IST1: variants seen among roughly 807,000 people sequenced by gnomAD.
IST1 encodes the protein IST1 factor associated with ESCRT-III.
IST1 carries 23 observed loss-of-function variants against 37.0 expected under a neutral mutation model. The observed-to-expected ratio is 0.62, with a 90% CI of 0.45 to 0.88. The LOEUF is 0.88. IST1 is among the 40% of genes least tolerant of loss of function. The pLI is 0.00. For synonymous variants in IST1, 180 were observed against 161.7 expected (o/e 1.11, Z -0.86); for missense variants, 488 against 445.4 (o/e 1.10, Z -0.86).
chr16:71,930,535 A>T lies in IST1; in HGVS notation c.*2722A>T, dbSNP rs371051765. On this transcript the variant is annotated 3_prime_UTR_variant, in exon 10 of 10. Coordinates refer to ENST00000378799, the MANE Select transcript of IST1 (RefSeq NM_001270975.2). ...GGGTAAGCAAACACTGAAAGATTAA[A>T]TGCATACCAGAAATGAGAATGCACA... The T allele has an allele frequency of 3.0e-4, 50 of 169,126 alleles. No homozygotes were observed. In the South Asian group the frequency reaches 9.3e-3, roughly 31 times the overall value. 10.5% of individuals were successfully genotyped at this position (169,126 alleles called of 1,614,324 possible). A position where few individuals can be genotyped will look rare whatever the true frequency, so the allele number is the denominator to read the frequency against.
At chr16:71,923,626 C>T in intron 8 of IST1, 2 of 351,930 alleles carry the variant, frequency 5.7e-6, no homozygotes, top group Middle Eastern at 7.3e-4. Context: ...CTGCAGATTT[C>T]TTAGAAAGTT....
At chr16:71,913,953 C>T (rs1485046469) in intron 1 of IST1, among the ~76,000 whole-genome samples, 3 of 151,630 alleles carry the variant, frequency 2.0e-5, no homozygotes, top group Non-Finnish European at 4.4e-5. Flanking sequence ...GGATTACAGG[C>T]ATGCGCCACC....
At chr16:71,921,159 T>C (rs2037571177) in intron 5 of IST1, 184 bp from the exon 6 acceptor site, 1 of 603,746 alleles carries the variant, frequency 1.7e-6, no homozygotes, top group African/African-American at 1.9e-5. Flanking sequence ...GTAATGAGAA[T>C]GTGAAAGAGA....
rs949823901 is a variant in IST1 at position 71,930,415 on chromosome 16, A to T, written c.*2602A>T. Reference sequence around the variant, plus strand: ...TTGTGACTGCAGGGCTTTCACAAGAAAACAGGTGAGTTGCAGTGGAATTGG... The same window carrying T: ...TTGTGACTGCAGGGCTTTCACAAGATAACAGGTGAGTTGCAGTGGAATTGG... On this transcript the variant is annotated 3_prime_UTR_variant, in exon 10 of 10. Coordinates refer to ENST00000378799, the MANE Select transcript of IST1 (RefSeq NM_001270975.2). The T allele has an allele frequency of 5.6e-6, 2 of 355,916 alleles. No homozygotes were observed. Among genetic ancestry groups the T allele is most frequent in the African/African-American group, 4.2e-5 (2 of 47,906 alleles). 22.0% of individuals were successfully genotyped at this position (355,916 alleles called of 1,614,324 possible).
intron 4 of IST1, among the ~76,000 whole-genome samples, chr16:71,918,768 T>C (rs892515874): frequency 5.3e-5 from 8 of 152,282 alleles, no homozygotes; most frequent in Non-Finnish European, 1.0e-4. Context: ...AAGGCTTAAA[T>C]ATGTTACAAA....
intron 7 of IST1, 133 bp downstream of exon 7, chr16:71,922,813 C>A: frequency 1.4e-6 from 1 of 717,200 alleles, no homozygotes; most frequent in Non-Finnish European, 2.3e-6. Context: ...AGCTGGCAGT[C>A]ATCTTGTGGG....
chr16:71,923,277 T>A lies in IST1; in HGVS notation c.760-11T>A, dbSNP rs993684457. On this transcript the variant is annotated splice_polypyrimidine_tract_variant and intron_variant, in intron 7 of 9. Coordinates refer to ENST00000378799, the MANE Select transcript of IST1 (RefSeq NM_001270975.2). ...GGCAGTGTCTCTGATGTTGCCTTTCTCCTCTTACAGTCAGATTTCAATGGA... is the reference window on the plus strand; with the variant it reads ...GGCAGTGTCTCTGATGTTGCCTTTCACCTCTTACAGTCAGATTTCAATGGA... 4 of 1,578,202 alleles carry A rather than the reference T, an allele frequency of 2.5e-6. No individual in the cohort carries two copies. In the African/African-American group the frequency reaches 5.4e-5, roughly 21 times the overall value.
chr16:71,907,324 C>CTGGA (rs2037247272), intron 1 of IST1, among the ~76,000 whole-genome samples: 2 of 149,244 alleles, frequency 1.3e-5, no homozygotes, highest in South Asian at 4.2e-4. Context: ...GTCGCCCATG[C>CTGGA]TGGAGTGCAG....
chr16:71,894,782 C>T (rs1297846712), upstream of IST1: 60 of 1,417,770 alleles, frequency 4.2e-5, no homozygotes, highest in South Asian at 7.0e-4. Flanking sequence ...GCGATCCTCC[C>T]GCCCCGCCTC....
At chr16:71,901,417 G>A (rs553979230) in intron 1 of IST1, among the ~76,000 whole-genome samples, 2 of 152,246 alleles carry the variant, frequency 1.3e-5, no homozygotes, top group African/African-American at 2.4e-5. Context: ...GTTTCACTGC[G>A]TTAGCCAGAA....
At chr16:71,906,002 CTTTTT>C (rs35581900) in intron 1 of IST1, among the ~76,000 whole-genome samples, 1 of 127,756 alleles carries the variant, frequency 7.8e-6, no homozygotes. Context: ...TTAAGCAATT[CTTTTT>C]TTTTTTTTTT....
intron 3 of IST1, 80 bp downstream of exon 3, chr16:71,916,722 G>A (rs2037475446): frequency 8.1e-7 from 1 of 1,230,230 alleles, no homozygotes; most frequent in African/African-American, 1.5e-5. Context: ...TGCATTAAGG[G>A]ACTATTTCAC....
At chr16:71,899,290 A>C (rs2037048804) in intron 1 of IST1, among the ~76,000 whole-genome samples, 1 of 152,088 alleles carries the variant, frequency 6.6e-6, no homozygotes, top group East Asian at 1.9e-4. Context: ...TTCTAAAGGA[A>C]TTGGACCACC....
intron 9 of IST1, among the ~76,000 whole-genome samples, chr16:71,925,639 C>T (rs1372973813): frequency 2.0e-5 from 3 of 152,066 alleles, no homozygotes; most frequent in Non-Finnish European, 2.9e-5. Flanking sequence ...GTAAAGCAAT[C>T]ATGTTCATGT....
intron 1 of IST1, among the ~76,000 whole-genome samples, chr16:71,897,249 T>C (rs2036994772): frequency 6.7e-6 from 1 of 149,936 alleles, no homozygotes; most frequent in African/African-American, 2.5e-5. Flanking sequence ...CTTGAACTCG[T>C]GGGCTCAAGT....
Position 71,897,885 on chromosome 16 carries a change from G to T in IST1, c.-16+2296G>T, listed in dbSNP as rs546435123. Among the ~76,000 whole-genome samples the T allele has an allele frequency of 2.0e-5, 3 of 152,266 alleles. No homozygotes were observed. In the South Asian group the frequency reaches 6.2e-4, roughly 32 times the overall value. ...GCTTGCTCGAACCCGAGAGGCGGAG[G>T]TTGCAGTGAGCTGAGATCGTGCCAC... On this transcript the variant is annotated intron_variant, in intron 1 of 9. Coordinates refer to ENST00000378799, the MANE Select transcript of IST1 (RefSeq NM_001270975.2).
chr16:71,928,690 A>C lies in IST1; in HGVS notation c.*877A>C, dbSNP rs1192444268. 1.3e-5 allele frequency: 2 copies of C among 152,630 alleles called. No individual in the cohort carries two copies. The highest frequency in any genetic ancestry group is 6.5e-5 in the Admixed American group (1 of 15,292). The allele number at this position is 152,630 out of a possible 1,614,324, so 9.5% of individuals were successfully genotyped here. A position where few individuals can be genotyped will look rare whatever the true frequency, so the allele number is the denominator to read the frequency against. ...GGAAAGCCTACAGGAAAAGAGGGGT[A>C]CCTGTTTTCATTTGAAAACTTTGAT... On this transcript the variant is annotated 3_prime_UTR_variant, in exon 10 of 10. Transcript: ENST00000378799.
At chr16:71,927,505 TTG>T (rs1464642186) in intron 9 of IST1, 107 bp from the exon 10 acceptor site, 5 of 814,882 alleles carry the variant, frequency 6.1e-6, no homozygotes, top group Non-Finnish European at 7.9e-6. Flanking sequence ...AAAAAAAAGT[TTG>T]TGAACTAAGG....
At chr16:71,926,010 G>A (rs747861071) in intron 9 of IST1, among the ~76,000 whole-genome samples, 18 of 152,120 alleles carry the variant, frequency 1.2e-4, no homozygotes, top group African/African-American at 2.6e-4. Flanking sequence ...GGCCGGGTGC[G>A]GTGGCTCACC....
Sources: allele counts gnomAD v4.1 joint callset (sites outside exome capture counted in the v4.1 genomes callset), GRCh38; gene constraint gnomAD v4.1.1; transcripts MANE v1.5; gene names NCBI Gene and HGNC (gene_info 2026-07-23, HGNC 2026-07-21).